Variants in ATP10D observed in about 807,000 individuals in gnomAD.
ATP10D encodes the protein phospholipid-transporting ATPase VD.
Under a neutral mutation model 144.8 loss-of-function variants are expected in ATP10D, and 89 were observed. The observed-to-expected ratio is 0.61, with a 90% confidence interval of 0.52 to 0.73. The LOEUF is 0.73. Among genes scored for constraint, ATP10D ranks in the 30% least tolerant of loss-of-function variants. The pLI, the probability that ATP10D is intolerant of heterozygous loss-of-function variation, is 0.00. For synonymous variants in ATP10D, 571 were observed against 615.1 expected (o/e 0.93, Z 1.06); for missense variants, 1,603 against 1,714.8 (o/e 0.93, Z 1.15).
At chr4:47,532,273 T>C (rs1389710661) in intron 5 of ATP10D, among the ~76,000 whole-genome samples, 1 of 152,190 alleles carries the variant, frequency 6.6e-6, no homozygotes, top group African/African-American at 2.4e-5. Flanking sequence ...TCCAAGGCCC[T>C]ATTAGCTTTC....
At chr4:47,521,636 C>T (rs1716948541) in intron 3 of ATP10D, among the ~76,000 whole-genome samples, 1 of 152,136 alleles carries the variant, frequency 6.6e-6, no homozygotes, top group African/African-American at 2.4e-5. Context: ...AGTTACTCTC[C>T]ATTTCCTATG....
chr4:47,573,069 G>A lies in ATP10D; in HGVS notation c.3366+72G>A, dbSNP rs16860390. On this transcript the variant is annotated intron_variant, in intron 18 of 22. Transcript: ENST00000273859. ...AGACTGTTGCATCAGGGATGAAGAC[G>A]AAGTGTCCTATGCTAAGCTCACTTT... The A allele has an allele frequency of 2.4e-3, 3,672 of 1,546,150 alleles. 83 individuals are homozygous for A. In the African/African-American group the frequency reaches 0.045, roughly 19 times the overall value.
chr4:47,551,272 G>C (rs1315423115), intron 10 of ATP10D, among the ~76,000 whole-genome samples: 3 of 152,170 alleles, frequency 2.0e-5, no homozygotes, highest in African/African-American at 7.2e-5. Flanking sequence ...GGAATTATGA[G>C]GGTAAATCTA....
intron 19 of ATP10D, among the ~76,000 whole-genome samples, chr4:47,579,330 T>C (rs914212823): frequency 1.3e-5 from 2 of 152,224 alleles, no homozygotes; most frequent in African/African-American, 4.8e-5. Context: ...AAGACACTGT[T>C]TTAGTCGCTT....
chr4:47,515,436 G>A lies in ATP10D; in HGVS notation c.291-40G>A. On this transcript the variant is annotated intron_variant, in intron 2 of 22. Transcript: ENST00000273859. ...TTTGCCTCTGACATCAGTCCTTGAA[G>A]TAACTTCTTAACACCTCCCTTTGTG... The A allele has an allele frequency of 2.0e-6, 3 of 1,536,034 alleles. No homozygotes were observed. The South Asian group carries it at 3.6e-5, about 18-fold the overall frequency.
At chr4:47,504,938 T>G (rs1484709299) in intron 1 of ATP10D, among the ~76,000 whole-genome samples, 2 of 152,226 alleles carry the variant, frequency 1.3e-5, no homozygotes, top group Admixed American at 6.5e-5. Context: ...ATATAAGAAC[T>G]TTGACGTTTT....
chr4:47,558,401 G>A, intron 12 of ATP10D, 128 bp downstream of exon 12: 1 of 1,300,860 alleles, frequency 7.7e-7, no homozygotes, highest in East Asian at 2.4e-5. Flanking sequence ...GAAGTAGGGG[G>A]AAGCTGCCTA....
At chr4:47,560,867 G>C in intron 13 of ATP10D, 82 bp from the exon 14 acceptor site, 1 of 1,532,128 alleles carries the variant, frequency 6.5e-7, no homozygotes, top group African/African-American at 1.4e-5. Context: ...TTGATGGTTT[G>C]ATATTTTGCC....
At chr4:47,528,114 G>C (rs1717347795) in intron 5 of ATP10D, among the ~76,000 whole-genome samples, 1 of 152,048 alleles carries the variant, frequency 6.6e-6, no homozygotes, top group South Asian at 2.1e-4. Context: ...ATTTTTATAG[G>C]TTCAATGGTC....
chr4:47,535,266 C>A (rs776341517), intron 5 of ATP10D, among the ~76,000 whole-genome samples: 6 of 150,788 alleles, frequency 4.0e-5, no homozygotes, highest in African/African-American at 9.7e-5. Flanking sequence ...CTGCAACACA[C>A]AATTTACCTA....
intron 11 of ATP10D, among the ~76,000 whole-genome samples, chr4:47,556,311 C>A (rs1050726079): frequency 2.0e-5 from 3 of 152,170 alleles, no homozygotes; most frequent in African/African-American, 7.2e-5. Context: ...AATTTCCTTC[C>A]AATTAAGTTG....
intron 21 of ATP10D, among the ~76,000 whole-genome samples, chr4:47,583,821 A>C (rs1042651366): frequency 6.6e-6 from 1 of 152,242 alleles, no homozygotes; most frequent in Non-Finnish European, 1.5e-5. Context: ...AAGAAAAGCA[A>C]AAATATCTGA....
chr4:47,532,923 G>A (rs1011930186), intron 5 of ATP10D, among the ~76,000 whole-genome samples: 1 of 152,130 alleles, frequency 6.6e-6, no homozygotes, highest in Admixed American at 6.6e-5. Flanking sequence ...GATGTTTCAT[G>A]GAAGCTGTAT....
intron 21 of ATP10D, among the ~76,000 whole-genome samples, 187 bp from the exon 22 acceptor site, chr4:47,586,832 G>A (rs910428303): frequency 6.6e-6 from 1 of 152,086 alleles, no homozygotes; most frequent in African/African-American, 2.4e-5. Context: ...GAATTCAAAT[G>A]GTGATGTAAT....
At chr4:47,576,007 C>G (rs1720219635) in intron 18 of ATP10D, among the ~76,000 whole-genome samples, 1 of 143,528 alleles carries the variant, frequency 7.0e-6, no homozygotes, top group Non-Finnish European at 1.5e-5. Flanking sequence ...TCTCGGCTCA[C>G]TGCAAGCTCC....
At chr4:47,513,954 C>G (rs1021807187) in intron 2 of ATP10D, among the ~76,000 whole-genome samples, 1 of 152,126 alleles carries the variant, frequency 6.6e-6, no homozygotes. Context: ...GAAGGGTGAT[C>G]TCTTACAGAT....
intron 5 of ATP10D, among the ~76,000 whole-genome samples, chr4:47,535,123 T>C (rs1382171041): frequency 6.6e-6 from 1 of 151,906 alleles, no homozygotes; most frequent in African/African-American, 2.4e-5. Flanking sequence ...TTAGTACATA[T>C]AGACACAAAG....
At chr4:47,539,746 C>G (rs1718036135) in intron 9 of ATP10D, among the ~76,000 whole-genome samples, 1 of 152,194 alleles carries the variant, frequency 6.6e-6, no homozygotes, top group African/African-American at 2.4e-5. Flanking sequence ...TGTCTTGCAG[C>G]AACAATGTTT....
chr4:47,491,317 G>A (rs545868162), intron 1 of ATP10D: 12 of 873,750 alleles, frequency 1.4e-5, no homozygotes, highest in Admixed American at 1.2e-4. Flanking sequence ...ATTCCTTTTT[G>A]AACAGTACCC....
Sources: gnomAD v4.1 joint callset for allele counts (sites outside exome capture counted in the v4.1 genomes callset) on GRCh38, gnomAD v4.1.1 for gene constraint, MANE v1.5 for transcripts, NCBI Gene and HGNC (gene_info 2026-07-23, HGNC 2026-07-21) for gene names.